The following PPARD variants were observed in gnomAD, a reference collection of about 807,000 sequenced individuals.
PPARD encodes the protein peroxisome proliferator-activated receptor delta.
Under a neutral mutation model 39.5 loss-of-function variants are expected in PPARD, and 6 were observed. That is an observed-to-expected ratio of 0.15 (90% CI 0.08 to 0.30). PPARD has a LOEUF of 0.30. PPARD is among the 10% of genes least tolerant of loss of function. The pLI is 1.00. For missense variants in PPARD, 397 were observed against 596.8 expected (o/e 0.67, Z 3.49); for synonymous variants, 210 against 231.3 (o/e 0.91, Z 0.83).
chr6:35,424,907 A>G lies in PPARD; in HGVS notation c.1078+128A>G. ...AGTGTCCCTGTGATCTTGGCAGTGG[A>G]ACATGCAAGGCACTGACTGAGCATG... On this transcript the variant is annotated intron_variant, in intron 7 of 7. Coordinates refer to ENST00000360694, the MANE Select transcript of PPARD (RefSeq NM_006238.5). This position sits in a 1 kb window ranked among gnomAD's most constrained non-coding sequence, Gnocchi z 7.1. 1 of 1,463,102 alleles carries G rather than the reference A, an allele frequency of 6.8e-7. No individual in the cohort carries two copies. The allele number at this position is 1,463,102 out of a possible 1,614,324, so 90.6% of individuals were successfully genotyped here. A position where few individuals can be genotyped will look rare whatever the true frequency, so the allele number is the denominator to read the frequency against.
At chr6:35,418,451 C>G (rs1314336881) in intron 3 of PPARD, among the ~76,000 whole-genome samples, 3 of 152,238 alleles carry the variant, frequency 2.0e-5, no homozygotes, top group African/African-American at 7.2e-5. Flanking sequence ...CTATCGCGTG[C>G]CTGCTGCGTG....
chr6:35,414,292 G>A (rs1401422079), intron 3 of PPARD, among the ~76,000 whole-genome samples: 10 of 152,246 alleles, frequency 6.6e-5, no homozygotes, highest in South Asian at 6.2e-4. Context: ...AGTCTATACC[G>A]AAGGACTCAG....
At chr6:35,380,476 G>GTTTTT (rs71002557) in intron 2 of PPARD, among the ~76,000 whole-genome samples, 241 of 67,140 alleles carry the variant, frequency 3.6e-3, no homozygotes, top group East Asian at 8.6e-3. Context: ...TTTTTTGTTT[G>GTTTTT]TTTTTTTTTT....
At chr6:35,375,490 A>G (rs1762763377) in intron 2 of PPARD, among the ~76,000 whole-genome samples, 1 of 152,144 alleles carries the variant, frequency 6.6e-6, no homozygotes, top group Non-Finnish European at 1.5e-5. Context: ...TGCTGGGATT[A>G]CAGGCATGAG....
At chr6:35,380,472 G>GTTTTTTTTTTT (rs1763082033) in intron 2 of PPARD, among the ~76,000 whole-genome samples, 1 of 31,318 alleles carries the variant, frequency 3.2e-5, no homozygotes, top group Non-Finnish European at 9.3e-5. Context: ...TTTTTTTTTT[G>GTTTTTTTTTTT]TTTGTTTTTT....
chr6:35,380,470 T>G lies in PPARD; in HGVS notation c.-101-30517T>G, dbSNP rs1182565958. 4.7e-4 allele frequency among the ~76,000 whole-genome samples: 49 copies of G among 103,732 alleles called. 5 individuals are homozygous for G. Among genetic ancestry groups the G allele is most frequent in the African/African-American group, 4.4e-3 (41 of 9,228 alleles). The allele number at this position is 103,732 out of a possible 152,430, so 68.1% of individuals were successfully genotyped here. A position where few individuals can be genotyped will look rare whatever the true frequency, so the allele number is the denominator to read the frequency against. On this transcript the variant is annotated intron_variant, in intron 2 of 7. Coordinates refer to ENST00000360694, the MANE Select transcript of PPARD (RefSeq NM_006238.5). ...CCAATTAACCTCGTGTTTTTTTTTT[T>G]TGTTTGTTTTTTTTTTTTTTTTTTT...
intron 2 of PPARD, among the ~76,000 whole-genome samples, chr6:35,352,716 T>A (rs1158563541): frequency 6.6e-6 from 1 of 152,148 alleles, no homozygotes; most frequent in Non-Finnish European, 1.5e-5. Flanking sequence ...CACGCTGGCT[T>A]AGGCACATGG....
rs2150868438 is a variant in PPARD at position 35,425,838 on chromosome 6, C to T, written c.1085C>T (p.Pro362Leu). Residue 362 changes from proline (P) to leucine (L), a missense_variant, in exon 8 of 8, where the codon CCA becomes CTA. By Grantham distance (98) the Pro-to-Leu change is moderately conservative. Coordinates refer to ENST00000360694, the MANE Select transcript of PPARD (RefSeq NM_006238.5). This position sits in a 1 kb window ranked among gnomAD's most constrained non-coding sequence, Gnocchi z 4.5. ...GTGCCCTGTGTCCCCACAGACCGGC[C>T]AGGCCTCATGAACGTTCCACGGGTG... ...IAAIILCGDRPGLMNVPRVEA... is the reference protein window; with the variant it reads ...IAAIILCGDRLGLMNVPRVEA... The T allele has an allele frequency of 6.2e-7, 1 of 1,614,024 alleles. No individual in the cohort carries two copies. Among genetic ancestry groups the T allele is most frequent in the Non-Finnish European group, 8.5e-7 (1 of 1,179,998 alleles).
intron 2 of PPARD, among the ~76,000 whole-genome samples, chr6:35,392,711 G>A (rs781026537): frequency 2.6e-5 from 4 of 152,136 alleles, no homozygotes; most frequent in African/African-American, 7.2e-5. Context: ...AGGAGGCAGC[G>A]AGAAAGGAGA....
intron 2 of PPARD, among the ~76,000 whole-genome samples, chr6:35,370,378 A>C (rs1232016264): frequency 1.3e-5 from 2 of 152,144 alleles, no homozygotes; most frequent in Non-Finnish European, 1.5e-5. Context: ...AGTTGGGTGG[A>C]TAAAGTATGT....
intron 2 of PPARD, among the ~76,000 whole-genome samples, chr6:35,408,674 G>A (rs980798423): frequency 1.3e-5 from 2 of 152,378 alleles, no homozygotes; most frequent in African/African-American, 4.8e-5. Context: ...GGCTCTGGGG[G>A]TGGGTGCCAG....
chr6:35,379,927 A>G (rs935468054), intron 2 of PPARD, among the ~76,000 whole-genome samples: 3 of 152,198 alleles, frequency 2.0e-5, no homozygotes, highest in Non-Finnish European at 4.4e-5. Context: ...AAGGTCTTCT[A>G]GGGGCACGTC....
intron 2 of PPARD, chr6:35,348,567 T>G: frequency 3.0e-6 from 3 of 985,424 alleles, no homozygotes; most frequent in South Asian, 9.4e-5. Context: ...CTGATTTGTT[T>G]TAATCTCTGA....
intron 2 of PPARD, among the ~76,000 whole-genome samples, chr6:35,396,206 C>A (rs918932551): frequency 1.3e-5 from 2 of 151,472 alleles, no homozygotes; most frequent in Non-Finnish European, 2.9e-5. Flanking sequence ...ATTTCTTCTT[C>A]TTCTTCTTTT....
chr6:35,346,135 T>C (rs1028997028), intron 1 of PPARD, among the ~76,000 whole-genome samples: 12 of 152,104 alleles, frequency 7.9e-5, no homozygotes, highest in Non-Finnish European at 1.8e-4. Flanking sequence ...CGCCTCAGCC[T>C]CCCAAAGTGC....
At chr6:35,348,329 A>G (rs1240309077) in intron 2 of PPARD, 5 of 984,940 alleles carry the variant, frequency 5.1e-6, no homozygotes, top group Non-Finnish European at 6.0e-6. Flanking sequence ...AGAGCTGGCC[A>G]TAACACACAG....
intron 2 of PPARD, among the ~76,000 whole-genome samples, chr6:35,367,186 G>A (rs1762251165): frequency 6.6e-6 from 1 of 152,204 alleles, no homozygotes; most frequent in African/African-American, 2.4e-5. Context: ...AGAGGCCGGA[G>A]GGAACACTGA....
At position 35,375,209 on chromosome 6, in the gene PPARD, G is replaced by GTTTTTTTT. The variant is rs558275286; in HGVS notation, c.-102+28077_-102+28084dup. On this transcript the variant is annotated intron_variant, in intron 2 of 7. Coordinates refer to ENST00000360694, the MANE Select transcript of PPARD (RefSeq NM_006238.5). Reference sequence around the variant, plus strand: ...TTTTTGCCTATTTTTCTCCTTCCGAGTTTTTTTTTTTTTTTTTTTTTTTTT... The same window carrying GTTTTTTTT: ...TTTTTGCCTATTTTTCTCCTTCCGAGTTTTTTTTTTTTTTTTTTTTTTTTTTTTTTTTT... Among the ~76,000 whole-genome samples, 84 of 59,238 alleles carry GTTTTTTTT rather than the reference G, an allele frequency of 1.4e-3. 2 individuals are homozygous for GTTTTTTTT. Among genetic ancestry groups the GTTTTTTTT allele is most frequent in the Non-Finnish European group, 1.8e-3 (60 of 33,738 alleles). The allele number at this position is 59,238 out of a possible 152,430, so 38.9% of individuals were successfully genotyped here.
chr6:35,348,981 G>C, intron 2 of PPARD: 5 of 985,284 alleles, frequency 5.1e-6, no homozygotes, highest in Non-Finnish European at 6.0e-6. Context: ...GTTCATCCCT[G>C]AGCCTTGAGC....
Sources: allele counts gnomAD v4.1 joint callset (sites outside exome capture counted in the v4.1 genomes callset), GRCh38; gene constraint gnomAD v4.1.1; non-coding constraint Gnocchi (gnomAD v3.1); transcripts MANE v1.5; gene names NCBI Gene and HGNC (gene_info 2026-07-23, HGNC 2026-07-21).